The following PCYT1B variants were observed in gnomAD, a reference collection of about 807,000 sequenced individuals.
PCYT1B encodes the protein phosphate cytidylyltransferase 1B, choline, also known as choline-phosphate cytidylyltransferase B.
A neutral mutation model predicts 26.4 loss-of-function variants in PCYT1B; 10 were observed. That is an observed-to-expected ratio of 0.38 (90% confidence interval 0.23 to 0.64). PCYT1B has a LOEUF of 0.64. Among genes scored for constraint, PCYT1B ranks in the 30% least tolerant of loss-of-function variants. PCYT1B has a pLI of 0.56. For missense variants in PCYT1B, 161 were observed against 292.7 expected, an observed-to-expected ratio of 0.55 and a Z score of 3.28; for synonymous variants, 131 against 108.4, an observed-to-expected ratio of 1.21 and a Z score of -1.29.
chrX:24,643,244 C>T (rs1250549612), intron 1 of PCYT1B, among the ~76,000 whole-genome samples: 2 of 108,829 alleles, frequency 1.8e-5, no homozygotes, highest in Admixed American at 2.0e-4. Context: ...TATGAGGACA[C>T]AGTCCTTGCT....
chrX:24,612,451 C>T (rs902584640), intron 2 of PCYT1B, among the ~76,000 whole-genome samples: 1 of 111,838 alleles, frequency 8.9e-6, no homozygotes, highest in African/African-American at 3.2e-5. Flanking sequence ...AACAACCCAC[C>T]ACCCAGTTAA....
At chrX:24,633,847 T>C (rs1043978886) in intron 1 of PCYT1B, among the ~76,000 whole-genome samples, 4 of 111,406 alleles carry the variant, frequency 3.6e-5, no homozygotes, top group Non-Finnish European at 7.5e-5. Context: ...GATAATGTTA[T>C]GTGAGGACTT....
chrX:24,606,476 C>A (rs756265318), intron 3 of PCYT1B, among the ~76,000 whole-genome samples: 2 of 112,511 alleles, frequency 1.8e-5, no homozygotes, highest in African/African-American at 3.2e-5. Flanking sequence ...CATTGCCTTC[C>A]ACCATTTCCT....
chrX:24,576,746 A>G (rs1484864660), intron 6 of PCYT1B, among the ~76,000 whole-genome samples: 3 of 110,910 alleles, frequency 2.7e-5, no homozygotes, highest in Non-Finnish European at 5.7e-5. Flanking sequence ...ATATATACAT[A>G]TATGTGCTAT....
At chrX:24,566,290 T>C (rs935991519) in intron 7 of PCYT1B, among the ~76,000 whole-genome samples, 2 of 112,073 alleles carry the variant, frequency 1.8e-5, no homozygotes, top group African/African-American at 6.5e-5. Context: ...TCTAACTAGG[T>C]TAGAAAAACC....
At chrX:24,614,200 T>C (rs1335435479) in intron 2 of PCYT1B, among the ~76,000 whole-genome samples, 4 of 111,753 alleles carry the variant, frequency 3.6e-5, no homozygotes, top group African/African-American at 1.3e-4. Flanking sequence ...CTGTTCTTTC[T>C]CTTGAAGTTT....
rs374007366 is a variant in PCYT1B, at chrX:24,607,713, T to C, written c.334+32A>G. The C allele has an allele frequency of 1.4e-5, 11 of 808,394 alleles. No individual in the cohort carries two copies. In the East Asian group the frequency reaches 3.2e-4, roughly 23 times the overall value. The allele number at this position is 808,394 out of a possible 1,213,427, so 66.6% of individuals were successfully genotyped here. On this transcript the variant is annotated intron_variant, in intron 3 of 7. Transcript: ENST00000379144. ...TTTCAGAAAGCATACAATAAAAGAGTTTTCTAGACAAAAAGAAAATGCACT... is the reference window on the plus strand; with the variant it reads ...TTTCAGAAAGCATACAATAAAAGAGCTTTCTAGACAAAAAGAAAATGCACT...
At chrX:24,581,565 G>A (rs1003494997) in intron 5 of PCYT1B, among the ~76,000 whole-genome samples, 1 of 112,206 alleles carries the variant, frequency 8.9e-6, no homozygotes, top group Non-Finnish European at 1.9e-5. Flanking sequence ...GTCTTCTGGT[G>A]TGTTGTTCCT....
At chrX:24,578,913 C>G (rs1379150490) in intron 6 of PCYT1B, among the ~76,000 whole-genome samples, 1 of 111,532 alleles carries the variant, frequency 9.0e-6, no homozygotes, top group Non-Finnish European at 1.9e-5. Context: ...CCTGTAGATA[C>G]TGGTTTTGTC....
intron 3 of PCYT1B, among the ~76,000 whole-genome samples, chrX:24,599,156 A>G (rs1924882306): frequency 1.8e-5 from 2 of 111,757 alleles, no homozygotes; most frequent in African/African-American, 6.5e-5. Context: ...GAAAGAGAAA[A>G]AGCAAATGAT....
intron 1 of PCYT1B, among the ~76,000 whole-genome samples, chrX:24,630,037 A>T (rs868142594): frequency 8.1e-5 from 9 of 111,784 alleles, no homozygotes; most frequent in South Asian, 3.7e-4. Context: ...TCTTAGACTC[A>T]TTAAATGCAT....
At chrX:24,599,117 C>A (rs985305251) in intron 3 of PCYT1B, among the ~76,000 whole-genome samples, 1 of 111,266 alleles carries the variant, frequency 9.0e-6, no homozygotes, top group Non-Finnish European at 1.9e-5. Flanking sequence ...TTTAATAACT[C>A]TTGATATAGC....
At chrX:24,595,316 G>A (rs752903719) in intron 3 of PCYT1B, among the ~76,000 whole-genome samples, 21 of 109,560 alleles carry the variant, frequency 1.9e-4, no homozygotes, top group Non-Finnish European at 1.1e-4. Context: ...AAATGTCTAT[G>A]GATCCCACAA....
chrX:24,653,098 AAACAG>A (rs1383783951), intron 1 of PCYT1B, among the ~76,000 whole-genome samples: 2 of 111,952 alleles, frequency 1.8e-5, no homozygotes, highest in Non-Finnish European at 3.8e-5. Flanking sequence ...AAACAAAACA[AAACAG>A]TATTTTCAAA....
At chrX:24,604,949 C>T (rs1925078413) in intron 3 of PCYT1B, among the ~76,000 whole-genome samples, 1 of 111,240 alleles carries the variant, frequency 9.0e-6, no homozygotes, top group African/African-American at 3.3e-5. Context: ...GGACATCGTT[C>T]TTTGGATTAC....
intron 5 of PCYT1B, among the ~76,000 whole-genome samples, chrX:24,585,879 A>T (rs1401569824): frequency 1.8e-5 from 2 of 110,269 alleles, no homozygotes; most frequent in Non-Finnish European, 3.8e-5. Context: ...CACACAAAAG[A>T]CCTGATCACG....
chrX:24,571,502 T>TCATCAA (rs1923826029), intron 7 of PCYT1B, among the ~76,000 whole-genome samples: 1 of 109,235 alleles, frequency 9.2e-6, no homozygotes, highest in African/African-American at 3.4e-5. Context: ...TTATTTACTA[T>TCATCAA]CATCATCATC....
chrX:24,594,943 C>G (rs1602167249), intron 3 of PCYT1B, among the ~76,000 whole-genome samples: 2 of 111,824 alleles, frequency 1.8e-5, no homozygotes, highest in Non-Finnish European at 3.8e-5. Context: ...CTCAAACTCT[C>G]TGAGCCTCAG....
chrX:24,662,951 C>A (rs1212421615), intron 1 of PCYT1B, among the ~76,000 whole-genome samples: 1 of 111,922 alleles, frequency 8.9e-6, no homozygotes, highest in Non-Finnish European at 1.9e-5. Context: ...GTCATTCAGA[C>A]CTTGCCTTGT....
Sources: allele counts gnomAD v4.1 joint callset (sites outside exome capture counted in the v4.1 genomes callset), GRCh38; gene constraint gnomAD v4.1.1; transcripts MANE v1.5; gene names NCBI Gene and HGNC (gene_info 2026-07-23, HGNC 2026-07-21).